The following SP4 variants were observed in gnomAD, a reference collection of about 807,000 sequenced individuals.
SP4 encodes Sp4 transcription factor, also known as transcription factor Sp4.
SP4 carries 19 observed loss-of-function variants against 72.8 expected under a neutral mutation model. The observed-to-expected ratio is 0.26, with a 90% CI of 0.18 to 0.38. SP4 has a LOEUF of 0.38. SP4 is among the 10% of genes least tolerant of loss of function. The pLI is 1.00. For synonymous variants in SP4, 395 were observed against 333.1 expected, an observed-to-expected ratio of 1.19 and a Z score of -2.02; for missense variants, 1,008 against 926.3, an observed-to-expected ratio of 1.09 and a Z score of -1.14.
intron 5 of SP4, among the ~76,000 whole-genome samples, chr7:21,501,863 C>G (rs1258562150): frequency 1.3e-5 from 2 of 152,152 alleles, no homozygotes; most frequent in African/African-American, 2.4e-5. Context: ...GGCCATTTGG[C>G]TGATGGCATT....
At chr7:21,470,151 G>A (rs879095543) in intron 3 of SP4, among the ~76,000 whole-genome samples, 1 of 152,140 alleles carries the variant, frequency 6.6e-6, no homozygotes, top group African/African-American at 2.4e-5. Context: ...ATATACTGCT[G>A]GCCGAGTTTC....
intron 3 of SP4, among the ~76,000 whole-genome samples, chr7:21,445,489 T>C (rs1437639968): frequency 6.6e-6 from 1 of 152,200 alleles, no homozygotes; most frequent in Non-Finnish European, 1.5e-5. Context: ...TTCTGCTGGA[T>C]AAATAATATT....
At chr7:21,476,482 A>G (rs62439714) in intron 3 of SP4, among the ~76,000 whole-genome samples, 19,542 of 152,144 alleles carry the variant, frequency 0.13, 1,489 homozygotes, top group Middle Eastern at 0.34. Flanking sequence ...ATGTCTTTTT[A>G]TGATTACAGT....
intron 3 of SP4, among the ~76,000 whole-genome samples, chr7:21,445,567 T>C (rs1300573177): frequency 6.6e-6 from 1 of 152,200 alleles, no homozygotes; most frequent in African/African-American, 2.4e-5. Flanking sequence ...ACATGTTCTT[T>C]ATTCATGGAG....
chr7:21,464,421 G>A (rs529674625), intron 3 of SP4, among the ~76,000 whole-genome samples: 2 of 152,178 alleles, frequency 1.3e-5, no homozygotes, highest in East Asian at 1.9e-4. Context: ...TCAGAGCCTC[G>A]TGATCTGGAA....
intron 3 of SP4, among the ~76,000 whole-genome samples, chr7:21,442,037 TA>T (rs375387335): frequency 2.6e-3 from 98 of 37,866 alleles, no homozygotes; most frequent in East Asian, 0.023. Flanking sequence ...TGTGTGTGTG[TA>T]TTTTTTTTTT....
intron 3 of SP4, among the ~76,000 whole-genome samples, chr7:21,438,839 T>C (rs1783137671): frequency 6.6e-6 from 1 of 152,214 alleles, no homozygotes; most frequent in Admixed American, 6.5e-5. Context: ...TTAGTAACCT[T>C]CTCAACTGCT....
intron 4 of SP4, among the ~76,000 whole-genome samples, chr7:21,480,978 A>G (rs1483792209): frequency 6.6e-6 from 1 of 152,050 alleles, no homozygotes; most frequent in Non-Finnish European, 1.5e-5. Flanking sequence ...TTTCTTTCTG[A>G]GTTACAACCC....
In SP4 at chr7:21,429,491, C is replaced by T. The variant is rs377560854; in HGVS notation, c.326C>T (p.Pro109Leu). Residue 109 changes from proline (P) to leucine (L), a missense_variant, in exon 3 of 6, where the codon CCT becomes CTT. By Grantham distance (98) the Pro-to-Leu change is moderately conservative (BLOSUM62 -3). Transcript: ENST00000222584. Reference sequence around the variant, plus strand: ...GCTTGGCAACTTGTTGCCTCCACTCCTCCTGCTTCAAAAGAGAATAACGTT... The same window carrying T: ...GCTTGGCAACTTGTTGCCTCCACTCTTCCTGCTTCAAAAGAGAATAACGTT... The part of the protein sequence containing the change: ...GNAWQLVAST[P>L]PASKENNVSQ... 2.1e-5 allele frequency: 34 copies of T among 1,614,060 alleles called. No individual in the cohort carries two copies. The highest frequency in any genetic ancestry group is 2.9e-5 in the Non-Finnish European group (34 of 1,180,018).
At chr7:21,492,485 A>G (rs962650246) in intron 5 of SP4, among the ~76,000 whole-genome samples, 2 of 152,212 alleles carry the variant, frequency 1.3e-5, no homozygotes, top group African/African-American at 4.8e-5. Context: ...CTCAGTCAGT[A>G]TGTATTCTGC....
chr7:21,472,387 T>C (rs540748984), intron 3 of SP4, among the ~76,000 whole-genome samples: 1 of 152,220 alleles, frequency 6.6e-6, no homozygotes, highest in South Asian at 2.1e-4. Flanking sequence ...AGGGCTCAAG[T>C]GATCCTCTCA....
chr7:21,493,843 TATC>T (rs1451406587), intron 5 of SP4, among the ~76,000 whole-genome samples: 4 of 152,186 alleles, frequency 2.6e-5, no homozygotes, highest in African/African-American at 9.7e-5. Context: ...AGGCTCACAT[TATC>T]ATGATACCAA....
intron 5 of SP4, among the ~76,000 whole-genome samples, chr7:21,499,118 G>A (rs928634238): frequency 2.7e-5 from 4 of 150,550 alleles, no homozygotes; most frequent in African/African-American, 9.8e-5. Context: ...AAAATCATAA[G>A]GAAGAAAGAA....
Position 21,430,341 on chromosome 7 carries a change from T to C in SP4, c.1176T>C (p.Ser392=), listed in dbSNP as rs748869440. The C allele has an allele frequency of 1.9e-6, 3 of 1,614,106 alleles. No homozygotes were observed. The East Asian group carries it at 6.7e-5, about 36-fold the overall frequency. ...GMQNAQDQSN[S]LQQVQIVGQP... is the part of the protein sequence containing the mutation. ...AGAATGCACAGGATCAATCAAATTC[T>C]CTTCAGCAGGTGCAAATTGTAGGCC... The change falls in exon 3 of 6, where the codon TCT becomes TCC. Residue 392 remains serine (S), a synonymous_variant. Coordinates refer to ENST00000222584, the MANE Select transcript of SP4 (RefSeq NM_003112.5).
chr7:21,489,016 A>G (rs952970545), intron 5 of SP4, among the ~76,000 whole-genome samples: 3 of 152,218 alleles, frequency 2.0e-5, no homozygotes, highest in Non-Finnish European at 2.9e-5. Flanking sequence ...ATCTTTAACC[A>G]GATCTCAAAT....
chr7:21,441,270 C>T (rs1484716986), intron 3 of SP4, among the ~76,000 whole-genome samples: 1 of 152,154 alleles, frequency 6.6e-6, no homozygotes, highest in Non-Finnish European at 1.5e-5. Flanking sequence ...AGCTGCTAAA[C>T]TTGGAATGAG....
chr7:21,456,505 G>C (rs1188327256), intron 3 of SP4, among the ~76,000 whole-genome samples: 1 of 152,200 alleles, frequency 6.6e-6, no homozygotes, highest in African/African-American at 2.4e-5. Flanking sequence ...GCCCCTGTCT[G>C]CTGCCAAGCA....
chr7:21,488,614 G>C (rs898168266), intron 5 of SP4, among the ~76,000 whole-genome samples: 1 of 151,390 alleles, frequency 6.6e-6, no homozygotes, highest in African/African-American at 2.4e-5. Context: ...GTTACATTTA[G>C]CCAGGTGCAG....
chr7:21,511,436 A>C lies in SP4; in HGVS notation c.*167A>C. On this transcript the variant is annotated 3_prime_UTR_variant, in exon 6 of 6. Coordinates refer to ENST00000222584, the MANE Select transcript of SP4 (RefSeq NM_003112.5). ...TCAACACGTGAAGTGTTGAATTTTA[A>C]AAAATACAAAAAGCAGACTGATGTA... The C allele has an allele frequency of 1.6e-6, 1 of 634,780 alleles. No homozygotes were observed. The allele number at this position is 634,780 out of a possible 1,614,324, so 39.3% of individuals were successfully genotyped here.
Sources: gnomAD v4.1 joint callset for allele counts (sites outside exome capture counted in the v4.1 genomes callset) on GRCh38, gnomAD v4.1.1 for gene constraint, MANE v1.5 for transcripts, NCBI Gene and HGNC (gene_info 2026-07-23, HGNC 2026-07-21) for gene names.